C3orf49: variants seen among roughly 807,000 people sequenced by gnomAD.
C3orf49 encodes the protein putative uncharacterized protein C3orf49.
In C3orf49, 27 loss-of-function variants were observed where a neutral mutation model predicts 13.3. That is an observed-to-expected ratio of 2.02 (90% CI 1.49 to 2.79). The LOEUF (loss-of-function observed/expected upper bound fraction) is 2.79. Among genes scored for constraint, C3orf49 ranks in the 30% most tolerant of loss-of-function variants. The pLI is 0.00. For missense variants in C3orf49, 242 were observed against 134.2 expected, an observed-to-expected ratio of 1.80 and a Z score of -3.97; for synonymous variants, 87 against 47.6, an observed-to-expected ratio of 1.83 and a Z score of -3.40.
chr3:63,838,093 G>A (rs1167766719), intron 5 of C3orf49: 1 of 1,532,616 alleles, frequency 6.5e-7, no homozygotes, highest in South Asian at 1.2e-5. Context: ...AAAGATAGTT[G>A]TAACAAAATC....
At chr3:63,790,598 CTT>C in the C3orf49 span, among the ~76,000 whole-genome samples, 62,550 of 137,640 alleles carry the variant, frequency 0.45, 13,556 homozygotes, top group Middle Eastern at 0.5. Flanking sequence ...ACATCTACCT[CTT>C]TTTTTTTTTT....
At chr3:63,808,335 T>A in the C3orf49 span, among the ~76,000 whole-genome samples, 1 of 152,214 alleles carries the variant, frequency 6.6e-6, no homozygotes, top group Admixed American at 6.5e-5. Context: ...GTAAAAATAG[T>A]TCCCTAAATG....
intron 5 of C3orf49, among the ~76,000 whole-genome samples, chr3:63,840,166 TG>T (rs1485207728): frequency 1.3e-5 from 2 of 152,166 alleles, no homozygotes; most frequent in Admixed American, 6.5e-5. Context: ...GAGAACCTTT[TG>T]TGAAATAACC....
chr3:63,788,453 T>A, the C3orf49 span, among the ~76,000 whole-genome samples: 1 of 152,098 alleles, frequency 6.6e-6, no homozygotes, highest in Non-Finnish European at 1.5e-5. Context: ...TCTAGGTGGG[T>A]GAAAACGTTG....
At chr3:63,839,946 T>C (rs1191901236) in intron 5 of C3orf49, among the ~76,000 whole-genome samples, 1 of 152,208 alleles carries the variant, frequency 6.6e-6, no homozygotes, top group Non-Finnish European at 1.5e-5. Context: ...AATTTTATGT[T>C]ATGCATAGTT....
chr3:63,837,306 A>G (rs1439239912), intron 5 of C3orf49, among the ~76,000 whole-genome samples: 2 of 151,484 alleles, frequency 1.3e-5, no homozygotes, highest in African/African-American at 4.8e-5. Flanking sequence ...CTAGTTTTTC[A>G]TATCAATGTA....
At chr3:63,822,856 C>G (rs1262087872) in intron 1 of C3orf49, among the ~76,000 whole-genome samples, 1 of 152,170 alleles carries the variant, frequency 6.6e-6, no homozygotes, top group Non-Finnish European at 1.5e-5. Context: ...AAAACTATGT[C>G]AAACTATCAT....
chr3:63,844,122 C>T (rs1701834347), intron 5 of C3orf49, among the ~76,000 whole-genome samples: 3 of 152,102 alleles, frequency 2.0e-5, no homozygotes, highest in Admixed American at 6.5e-5. Flanking sequence ...AATGCATGAT[C>T]ACACTTACAT....
the C3orf49 span, among the ~76,000 whole-genome samples, chr3:63,783,307 A>AT: frequency 1.3e-5 from 2 of 152,200 alleles, no homozygotes; most frequent in Non-Finnish European, 2.9e-5. Context: ...TTCTTTCATA[A>AT]TTTTTCCTAC....
intron 5 of C3orf49, among the ~76,000 whole-genome samples, chr3:63,843,691 G>A (rs1241893131): frequency 1.3e-5 from 2 of 152,092 alleles, no homozygotes; most frequent in African/African-American, 4.8e-5. Flanking sequence ...ACGAGGTCAG[G>A]AGATCGAGAC....
At chr3:63,801,939 G>A in the C3orf49 span, among the ~76,000 whole-genome samples, 5 of 152,138 alleles carry the variant, frequency 3.3e-5, no homozygotes, top group African/African-American at 1.2e-4. Flanking sequence ...CTTCCCATTC[G>A]TTTTCAACAC....
the C3orf49 span, among the ~76,000 whole-genome samples, chr3:63,791,423 G>T: frequency 6.6e-6 from 1 of 152,124 alleles, no homozygotes; most frequent in Non-Finnish European, 1.5e-5. Flanking sequence ...ATTGGTAAAG[G>T]CTACCCAGAG....
At chr3:63,821,701 A>T (rs1701396788) in intron 1 of C3orf49, among the ~76,000 whole-genome samples, 1 of 152,118 alleles carries the variant, frequency 6.6e-6, no homozygotes, top group Non-Finnish European at 1.5e-5. Flanking sequence ...TATCTCAAAA[A>T]ATTACATGAT....
chr3:63,800,014 G>A, the C3orf49 span, among the ~76,000 whole-genome samples: 6 of 152,168 alleles, frequency 3.9e-5, no homozygotes, highest in East Asian at 5.8e-4. Context: ...AGGTTGGGTC[G>A]GCCTGCACAG....
At chr3:63,803,904 C>T in the C3orf49 span, among the ~76,000 whole-genome samples, 6 of 151,662 alleles carry the variant, frequency 4.0e-5, no homozygotes, top group Non-Finnish European at 5.9e-5. Context: ...GTAGAATCAG[C>T]GGGAGTCCTA....
intron 5 of C3orf49, chr3:63,838,505 G>A (rs1171934830): frequency 6.3e-7 from 1 of 1,577,316 alleles, no homozygotes; most frequent in South Asian, 1.2e-5. Context: ...TATATCTAAT[G>A]AAAAAGAAAG....
At chr3:63,788,503 G>A in the C3orf49 span, among the ~76,000 whole-genome samples, 1 of 152,136 alleles carries the variant, frequency 6.6e-6, no homozygotes, top group Non-Finnish European at 1.5e-5. Context: ...AGAGGAAGAT[G>A]AGGAAGGATA....
At chr3:63,798,298 A>G in the C3orf49 span, among the ~76,000 whole-genome samples, 1 of 152,108 alleles carries the variant, frequency 6.6e-6, no homozygotes, top group Non-Finnish European at 1.5e-5. Flanking sequence ...AACTGTTGGT[A>G]TGATAGGAAA....
chr3:63,839,827 A>C, intron 5 of C3orf49: 1 of 1,410,844 alleles, frequency 7.1e-7, no homozygotes. Flanking sequence ...TTTCAAGTAC[A>C]AATAACCAGT....
Sources: gnomAD v4.1 joint callset for allele counts (sites outside exome capture counted in the v4.1 genomes callset) on GRCh38, gnomAD v4.1.1 for gene constraint, MANE v1.5 for transcripts, NCBI Gene and HGNC (gene_info 2026-07-23, HGNC 2026-07-21) for gene names.